Variants in VRK2 observed in about 807,000 individuals in gnomAD.
The protein encoded by VRK2 is VRK serine/threonine kinase 2.
Under a neutral mutation model 57.6 loss-of-function variants are expected in VRK2, and 60 were observed. The observed-to-expected ratio is 1.04, with a 90% CI of 0.85 to 1.29. The LOEUF is 1.29. Among genes scored for constraint, VRK2 ranks in the 50% most tolerant of loss-of-function variants. VRK2 has a pLI of 0.00. For missense variants in VRK2, 705 were observed against 588.1 expected (o/e 1.20, Z -2.06); for synonymous variants, 231 against 199.2 (o/e 1.16, Z -1.35).
intron 11 of VRK2, among the ~76,000 whole-genome samples, chr2:58,143,097 A>C (rs1424567255): frequency 2.6e-5 from 4 of 151,898 alleles, no homozygotes; most frequent in Non-Finnish European, 5.9e-5. Flanking sequence ...ACGGTTTACA[A>C]AATTTTTTCC....
At chr2:57,940,915 C>T (rs1167015746) in intron 1 of VRK2, among the ~76,000 whole-genome samples, 1 of 151,348 alleles carries the variant, frequency 6.6e-6, no homozygotes, top group East Asian at 1.9e-4. Flanking sequence ...ATAAAAATTA[C>T]CACTATGAAA....
At chr2:58,013,144 GAA>G (rs1186271817) in intron 1 of VRK2, among the ~76,000 whole-genome samples, 2 of 152,100 alleles carry the variant, frequency 1.3e-5, no homozygotes, top group East Asian at 3.8e-4. Flanking sequence ...AAAATCTATT[GAA>G]GTTTCTTCTT....
chr2:58,007,087 G>C (rs1414497510), intron 1 of VRK2, among the ~76,000 whole-genome samples: 1 of 151,810 alleles, frequency 6.6e-6, no homozygotes, highest in Non-Finnish European at 1.5e-5. Flanking sequence ...TTCCTTCTCA[G>C]TTCTTTAGAC....
At chr2:58,146,534 TG>T (rs1245921899) in intron 12 of VRK2, 60 bp downstream of exon 12, 31 of 1,541,328 alleles carry the variant, frequency 2.0e-5, no homozygotes, top group Non-Finnish European at 1.4e-5. Context: ...ATATGCCCTT[TG>T]GGAATAAAAA....
At chr2:58,011,890 G>A (rs1260643408) in intron 1 of VRK2, among the ~76,000 whole-genome samples, 1 of 152,058 alleles carries the variant, frequency 6.6e-6, no homozygotes. Flanking sequence ...AATATCAACT[G>A]GGTGGCTTAT....
At chr2:58,057,077 C>G (rs1217186174) in intron 2 of VRK2, among the ~76,000 whole-genome samples, 1 of 152,106 alleles carries the variant, frequency 6.6e-6, no homozygotes, top group Non-Finnish European at 1.5e-5. Context: ...CCTGTTTCCC[C>G]CAACATGTGT....
At chr2:58,151,125 C>T (rs1374008492) in intron 12 of VRK2, among the ~76,000 whole-genome samples, 1 of 151,682 alleles carries the variant, frequency 6.6e-6, no homozygotes, top group African/African-American at 2.4e-5. Flanking sequence ...TATATATTCA[C>T]TGTTTTATTT....
intron 10 of VRK2, among the ~76,000 whole-genome samples, chr2:58,137,063 CATATATCATATATAACAT>C (rs1386073571): frequency 8.7e-6 from 1 of 115,268 alleles, no homozygotes; most frequent in Non-Finnish European, 1.7e-5. Context: ...GTGTATATAT[CATATATCATATATAACAT>C]ATATATGTGT....
intron 1 of VRK2, among the ~76,000 whole-genome samples, chr2:57,999,481 T>C (rs1212498773): frequency 6.6e-6 from 1 of 152,180 alleles, no homozygotes; most frequent in Non-Finnish European, 1.5e-5. Context: ...TCAAATAGCT[T>C]TGTGTTTGTA....
At chr2:57,930,574 T>C (rs1193555775) in intron 1 of VRK2, among the ~76,000 whole-genome samples, 2 of 152,236 alleles carry the variant, frequency 1.3e-5, no homozygotes, top group Non-Finnish European at 2.9e-5. Flanking sequence ...TGCATTTTTG[T>C]GTGGACGTTT....
At chr2:58,035,566 G>T (rs1390051504) in intron 3 of VRK2, among the ~76,000 whole-genome samples, 1 of 151,992 alleles carries the variant, frequency 6.6e-6, no homozygotes, top group Non-Finnish European at 1.5e-5. Context: ...GTAGCCTTAT[G>T]AAATGAATCA....
chr2:58,050,204 T>A (rs562897263), intron 2 of VRK2, among the ~76,000 whole-genome samples: 1 of 152,290 alleles, frequency 6.6e-6, no homozygotes, highest in African/African-American at 2.4e-5. Flanking sequence ...ATCTAGTATA[T>A]CAAAAATATT....
At chr2:58,097,844 A>G (rs1673378032) in intron 7 of VRK2, among the ~76,000 whole-genome samples, 1 of 152,126 alleles carries the variant, frequency 6.6e-6, no homozygotes, top group African/African-American at 2.4e-5. Flanking sequence ...ACTAGTTTAT[A>G]TGTTTATTTA....
chr2:58,128,284 G>A (rs1678658083), intron 8 of VRK2, among the ~76,000 whole-genome samples: 1 of 152,138 alleles, frequency 6.6e-6, no homozygotes, highest in Non-Finnish European at 1.5e-5. Flanking sequence ...GAAGTCCTGT[G>A]TGTAATGTTG....
At chr2:58,059,175 G>A (rs1166213082) in intron 2 of VRK2, among the ~76,000 whole-genome samples, 1 of 151,942 alleles carries the variant, frequency 6.6e-6, no homozygotes, top group Non-Finnish European at 1.5e-5. Flanking sequence ...TTAGGCACTG[G>A]AACAATTACA....
chr2:57,999,490 T>C (rs1395784581), intron 1 of VRK2, among the ~76,000 whole-genome samples: 1 of 152,192 alleles, frequency 6.6e-6, no homozygotes. Context: ...TTTGTGTTTG[T>C]AGACTTAAGT....
intron 1 of VRK2, among the ~76,000 whole-genome samples, chr2:57,910,360 A>G (rs1192517314): frequency 1.3e-5 from 2 of 152,206 alleles, no homozygotes; most frequent in Non-Finnish European, 2.9e-5. Flanking sequence ...TTATGACAAT[A>G]AAACACAACG....
Position 57,976,398 on chromosome 2 carries a change from G to T in VRK2, c.-438-49267G>T, listed in dbSNP as rs757981800. ...CCAGCAGAGTATAAGTATTCCCTTTGCTCTGTAACCTCGCAATCATCTGAA... is the reference window on the plus strand; with the variant it reads ...CCAGCAGAGTATAAGTATTCCCTTTTCTCTGTAACCTCGCAATCATCTGAA... On this transcript the variant is annotated intron_variant, in intron 1 of 15. Transcript: ENST00000417641. Among the ~76,000 whole-genome samples, 3 of 152,166 alleles carry T rather than the reference G, an allele frequency of 2.0e-5. 1 individual carries two copies. The highest frequency in any genetic ancestry group is 2.4e-5 in the African/African-American group (1 of 41,530).
At chr2:58,007,888 G>A (rs1297372980) in intron 1 of VRK2, among the ~76,000 whole-genome samples, 3 of 151,894 alleles carry the variant, frequency 2.0e-5, no homozygotes, top group Non-Finnish European at 4.4e-5. Context: ...GTGCCTCCAA[G>A]AACATAACCT....
Sources: allele counts gnomAD v4.1 joint callset (sites outside exome capture counted in the v4.1 genomes callset), GRCh38; gene constraint gnomAD v4.1.1; transcripts MANE v1.5; gene names NCBI Gene and HGNC (gene_info 2026-07-23, HGNC 2026-07-21).